MNAT1: variants seen among roughly 807,000 people sequenced by gnomAD.
The protein encoded by MNAT1 is CDK-activating kinase assembly factor MAT1.
Under a neutral mutation model 42.0 loss-of-function variants are expected in MNAT1, and 43 were observed. The observed-to-expected ratio is 1.02, with a 90% CI of 0.80 to 1.32. MNAT1 has a LOEUF of 1.32. Ranked by LOEUF, MNAT1 falls within the 40% of genes most tolerant of loss-of-function variation. MNAT1 has a pLI of 0.00. For synonymous variants in MNAT1, 118 were observed against 120.0 expected (o/e 0.98, Z 0.11); for missense variants, 306 against 350.4 (o/e 0.87, Z 1.01).
chr14:60,748,494 G>C (rs575660203), intron 1 of MNAT1, among the ~76,000 whole-genome samples: 8 of 152,336 alleles, frequency 5.3e-5, no homozygotes, highest in Admixed American at 2.0e-4. Context: ...GCCTCCCAAA[G>C]TGCTGGGATT....
chr14:60,938,220 C>A (rs1381953068), intron 7 of MNAT1, among the ~76,000 whole-genome samples: 1 of 152,236 alleles, frequency 6.6e-6, no homozygotes, highest in East Asian at 1.9e-4. Flanking sequence ...CCCTTTATTT[C>A]TTTCTCCTGC....
intron 6 of MNAT1, among the ~76,000 whole-genome samples, chr14:60,861,756 A>G (rs907206120): frequency 1.3e-5 from 2 of 152,192 alleles, no homozygotes; most frequent in Admixed American, 6.5e-5. Flanking sequence ...TTGAGGTTGT[A>G]TTTGTTTTTT....
At chr14:60,941,456 T>C (rs1253770804) in intron 7 of MNAT1, among the ~76,000 whole-genome samples, 1 of 152,164 alleles carries the variant, frequency 6.6e-6, no homozygotes, top group African/African-American at 2.4e-5. Flanking sequence ...TTTCAGCCTT[T>C]TGGGAGACCA....
intron 7 of MNAT1, among the ~76,000 whole-genome samples, chr14:60,915,055 C>T (rs1005772922): frequency 6.6e-5 from 10 of 152,180 alleles, no homozygotes; most frequent in Admixed American, 2.0e-4. Flanking sequence ...TTTATTTGAC[C>T]GAGAGCAAGG....
chr14:60,839,330 G>C (rs1272493490), intron 6 of MNAT1, among the ~76,000 whole-genome samples: 1 of 152,172 alleles, frequency 6.6e-6, no homozygotes, highest in Non-Finnish European at 1.5e-5. Context: ...GCTGTGGAAA[G>C]GAGCTATCCA....
intron 7 of MNAT1, among the ~76,000 whole-genome samples, chr14:60,894,923 T>C (rs976641381): frequency 6.6e-6 from 1 of 152,220 alleles, no homozygotes; most frequent in African/African-American, 2.4e-5. Flanking sequence ...CATCTGTGGC[T>C]AAATAGTGAA....
chr14:60,948,854 G>C (rs2036330597), intron 7 of MNAT1, among the ~76,000 whole-genome samples: 1 of 152,042 alleles, frequency 6.6e-6, no homozygotes, highest in Admixed American at 6.6e-5. Context: ...ATCTGTTAAA[G>C]AAACAGCAAG....
At chr14:60,806,598 C>T (rs1327551155) in intron 3 of MNAT1, among the ~76,000 whole-genome samples, 2 of 152,188 alleles carry the variant, frequency 1.3e-5, no homozygotes, top group African/African-American at 2.4e-5. Context: ...GGGAGGCCAA[C>T]GCGGGTGGAT....
At chr14:60,937,293 T>C (rs193297667) in intron 7 of MNAT1, among the ~76,000 whole-genome samples, 10 of 152,350 alleles carry the variant, frequency 6.6e-5, no homozygotes, top group African/African-American at 2.4e-4. Flanking sequence ...AAACATGAAG[T>C]CCTTGCCCAT....
At chr14:60,866,947 C>T (rs954260713) in intron 6 of MNAT1, among the ~76,000 whole-genome samples, 1 of 151,918 alleles carries the variant, frequency 6.6e-6, no homozygotes, top group Non-Finnish European at 1.5e-5. Flanking sequence ...TATTAAAGGA[C>T]ATTTTTCTGT....
chr14:60,943,105 A>G (rs1594897705), intron 7 of MNAT1, among the ~76,000 whole-genome samples: 2 of 116,798 alleles, frequency 1.7e-5, no homozygotes, highest in African/African-American at 6.8e-5. Flanking sequence ...CCCAGGCTGT[A>G]GTGCAGTGCC....
intron 4 of MNAT1, among the ~76,000 whole-genome samples, chr14:60,810,070 T>A (rs2032496362): frequency 6.6e-6 from 1 of 152,072 alleles, no homozygotes; most frequent in African/African-American, 2.4e-5. Flanking sequence ...TTGGTCTTGG[T>A]AGGTTGTATG....
intron 6 of MNAT1, among the ~76,000 whole-genome samples, chr14:60,856,568 A>G (rs1310859828): frequency 3.3e-5 from 5 of 152,196 alleles, no homozygotes; most frequent in Admixed American, 2.6e-4. Flanking sequence ...GGATTTTTGT[A>G]GCTAAAGAGA....
chr14:60,946,288 GAA>G (rs2036275012), intron 7 of MNAT1, among the ~76,000 whole-genome samples: 1 of 151,958 alleles, frequency 6.6e-6, no homozygotes, highest in African/African-American at 2.4e-5. Context: ...AAAAACCTTT[GAA>G]AAAAGTCTTA....
chr14:60,754,439 C>G (rs2030243905), intron 1 of MNAT1, among the ~76,000 whole-genome samples: 1 of 151,554 alleles, frequency 6.6e-6, no homozygotes. Flanking sequence ...CCTCCGCCTC[C>G]CAGGTTCAAG....
At chr14:60,772,287 TA>T (rs2031087885) in intron 1 of MNAT1, among the ~76,000 whole-genome samples, 1 of 151,988 alleles carries the variant, frequency 6.6e-6, no homozygotes, top group Non-Finnish European at 1.5e-5. Context: ...ATAAATAAAT[TA>T]AAAGATGATG....
intron 6 of MNAT1, among the ~76,000 whole-genome samples, chr14:60,869,997 A>G (rs1022940488): frequency 4.6e-5 from 7 of 152,242 alleles, no homozygotes; most frequent in African/African-American, 1.7e-4. Context: ...ATTATAAACA[A>G]TTTTTTGTAG....
chr14:60,736,380 A>G lies in MNAT1; in HGVS notation c.89+1429A>G, dbSNP rs538129207. ...TTTTCTGGCCTAGCAGCACTTAGCCATTCAGGGAAGATTATACGATTTCAG... is the reference window on the plus strand; with the variant it reads ...TTTTCTGGCCTAGCAGCACTTAGCCGTTCAGGGAAGATTATACGATTTCAG... On this transcript the variant is annotated intron_variant, in intron 1 of 7. Coordinates refer to ENST00000261245, the MANE Select transcript of MNAT1 (RefSeq NM_002431.4). Among the ~76,000 whole-genome samples the G allele has an allele frequency of 3.3e-5, 5 of 152,232 alleles. No homozygotes were observed. The South Asian group carries it at 1.0e-3, about 32-fold the overall frequency.
chr14:60,958,844 T>C (rs559029673), intron 7 of MNAT1, among the ~76,000 whole-genome samples: 9 of 152,154 alleles, frequency 5.9e-5, no homozygotes, highest in African/African-American at 2.2e-4. Context: ...TTTCACTGTG[T>C]TAGCCAGGAT....
Sources: allele counts gnomAD v4.1 joint callset (sites outside exome capture counted in the v4.1 genomes callset), GRCh38; gene constraint gnomAD v4.1.1; transcripts MANE v1.5; gene names NCBI Gene and HGNC (gene_info 2026-07-23, HGNC 2026-07-21).